The following RNF138 variants were observed in gnomAD, a reference collection of about 807,000 sequenced individuals.
The protein encoded by RNF138 is E3 ubiquitin-protein ligase RNF138.
In RNF138, 12 loss-of-function variants were observed where a neutral mutation model predicts 31.0. That is an observed-to-expected ratio of 0.39 (90% confidence interval 0.25 to 0.63). RNF138 has a LOEUF of 0.63. Ranked by LOEUF, RNF138 falls within the 20% of genes least tolerant of loss-of-function variation. The pLI is 0.52. For missense variants in RNF138, 192 were observed against 300.1 expected (o/e 0.64, Z 2.66); for synonymous variants, 105 against 99.5 (o/e 1.06, Z -0.33).
intron 2 of RNF138, among the ~76,000 whole-genome samples, chr18:32,103,067 C>T (rs564541125): frequency 6.6e-6 from 1 of 152,056 alleles, no homozygotes; most frequent in South Asian, 2.1e-4. Context: ...TTTTTGAATC[C>T]AGACCATTGC....
chr18:32,094,780 C>CTATATA (rs142338609), intron 2 of RNF138, among the ~76,000 whole-genome samples: 2 of 150,486 alleles, frequency 1.3e-5, no homozygotes, highest in East Asian at 3.9e-4. Context: ...TAGCTGCTAA[C>CTATATA]TATATATATA....
rs1375788392 is a variant in RNF138 at position 32,130,232 on chromosome 18, T to G, written c.*1045T>G. The G allele has an allele frequency of 6.6e-6, 1 of 152,310 alleles. No individual in the cohort carries two copies. The highest frequency in any genetic ancestry group is 1.5e-5 in the Non-Finnish European group (1 of 67,872). 9.4% of individuals were successfully genotyped at this position (152,310 alleles called of 1,614,324 possible). A position where few individuals can be genotyped will look rare whatever the true frequency, so the allele number is the denominator to read the frequency against. On this transcript the variant is annotated 3_prime_UTR_variant, in exon 8 of 8. Transcript: ENST00000261593. ...GTTTAAAATTTTGTATATCACCAAA[T>G]TTTTAAAAAGTGATAGTCACAGTGC...
At chr18:32,128,396 G>GGT (rs2040417409) in intron 7 of RNF138, among the ~76,000 whole-genome samples, 1 of 152,126 alleles carries the variant, frequency 6.6e-6, no homozygotes, top group Non-Finnish European at 1.5e-5. Context: ...AAATTAGCTG[G>GGT]GTGTGGTGGT....
At chr18:32,098,848 G>A (rs1471869323) in intron 2 of RNF138, among the ~76,000 whole-genome samples, 25 of 120,792 alleles carry the variant, frequency 2.1e-4, no homozygotes, top group South Asian at 1.3e-3. Flanking sequence ...GTGAGACTCC[G>A]TTTCAAAAAA....
intron 4 of RNF138, among the ~76,000 whole-genome samples, chr18:32,116,470 A>G (rs567692227): frequency 1.3e-5 from 2 of 149,106 alleles, no homozygotes; most frequent in South Asian, 2.1e-4. Context: ...TTGAGTTTGT[A>G]TGTGGATTTT....
At chr18:32,114,325 C>T (rs1350500879) in intron 4 of RNF138, among the ~76,000 whole-genome samples, 2 of 152,102 alleles carry the variant, frequency 1.3e-5, no homozygotes, top group African/African-American at 4.8e-5. Context: ...GTTTGAGTCT[C>T]ATTTCTTTTA....
chr18:32,104,672 G>T (rs2040000503), intron 2 of RNF138, among the ~76,000 whole-genome samples: 1 of 152,096 alleles, frequency 6.6e-6, no homozygotes, highest in South Asian at 2.1e-4. Flanking sequence ...ACTTACAATA[G>T]CAACAAAATT....
intron 4 of RNF138, among the ~76,000 whole-genome samples, chr18:32,119,313 C>A (rs550037984): frequency 1.1e-4 from 16 of 152,224 alleles, no homozygotes; most frequent in Admixed American, 8.5e-4. Flanking sequence ...TTTCCCAGGC[C>A]CGTCTCAAAC....
intron 3 of RNF138, among the ~76,000 whole-genome samples, chr18:32,113,414 T>C (rs1291523539): frequency 1.3e-5 from 2 of 152,166 alleles, no homozygotes; most frequent in African/African-American, 4.8e-5. Flanking sequence ...AGAAGTTAAA[T>C]AATAAGACAT....
chr18:32,117,914 G>A (rs1042270551), intron 4 of RNF138, among the ~76,000 whole-genome samples: 15 of 152,134 alleles, frequency 9.9e-5, no homozygotes, highest in Middle Eastern at 3.2e-3. Flanking sequence ...GGGAGGAGGA[G>A]GGAAGATGAA....
At position 32,130,884 on chromosome 18, in the gene RNF138, A is replaced by C. The variant is rs1488638060; in HGVS notation, c.*1697A>C. The C allele has an allele frequency of 6.8e-6, 1 of 147,618 alleles. No homozygotes were observed. The highest frequency in any genetic ancestry group is 2.5e-5 in the African/African-American group (1 of 39,742). The allele number at this position is 147,618 out of a possible 1,614,324, so 9.1% of individuals were successfully genotyped here. On this transcript the variant is annotated 3_prime_UTR_variant, in exon 8 of 8. Coordinates refer to ENST00000261593, the MANE Select transcript of RNF138 (RefSeq NM_016271.5). Reference sequence around the variant, plus strand: ...TGTGCTTGAGCATTTTCTTTCAGTTACATGGGTGTAATTTAAAAAACAGCT... The same window carrying C: ...TGTGCTTGAGCATTTTCTTTCAGTTCCATGGGTGTAATTTAAAAAACAGCT...
chr18:32,099,814 C>T (rs1425270036), intron 2 of RNF138, among the ~76,000 whole-genome samples: 1 of 152,176 alleles, frequency 6.6e-6, no homozygotes, highest in Non-Finnish European at 1.5e-5. Context: ...AAGAAAGCAT[C>T]CAAGATCTCC....
At position 32,126,734 on chromosome 18, in the gene RNF138, C is replaced by T. The variant is rs2040390598; in HGVS notation, c.603C>T (p.Ser201=). The change falls in exon 7 of 8, where the codon AGC becomes AGT. Residue 201 remains serine, a synonymous_variant. Coordinates refer to ENST00000261593, the MANE Select transcript of RNF138 (RefSeq NM_016271.5). The part of the protein sequence containing the change: ...ICVSLPWGDP[S]QITRNFVSHL... Reference sequence around the variant, plus strand: ...TGTCTCTTCCTTGGGGAGATCCTAGCCAGATTACCAGAAATTTCGTTAGTC... The same window carrying T: ...TGTCTCTTCCTTGGGGAGATCCTAGTCAGATTACCAGAAATTTCGTTAGTC... The T allele has an allele frequency of 1.2e-6, 2 of 1,607,132 alleles. No homozygotes were observed.
chr18:32,124,885 A>AT, intron 6 of RNF138, 40 bp downstream of exon 6: 1 of 982,678 alleles, frequency 1.0e-6, no homozygotes, highest in Non-Finnish European at 1.6e-6. Flanking sequence ...GCTTAGAATA[A>AT]AACATGCTGT....
chr18:32,093,089 A>G (rs915871376), intron 2 of RNF138, among the ~76,000 whole-genome samples: 1 of 146,680 alleles, frequency 6.8e-6, no homozygotes, highest in Non-Finnish European at 1.5e-5. Context: ...CCCCGCGTCC[A>G]GCCCCCTCAG....
intron 2 of RNF138, among the ~76,000 whole-genome samples, chr18:32,100,706 C>T (rs1423170434): frequency 6.6e-6 from 1 of 152,038 alleles, no homozygotes; most frequent in African/African-American, 2.4e-5. Flanking sequence ...GAACTCCCAA[C>T]CTCAGGTGAT....
chr18:32,106,281 G>A (rs568222952), intron 2 of RNF138, among the ~76,000 whole-genome samples: 1 of 152,080 alleles, frequency 6.6e-6, no homozygotes. Context: ...TTTAGTGTGC[G>A]GGTATGCAGA....
At chr18:32,107,116 C>CTTTTTT (rs58774714) in intron 2 of RNF138, among the ~76,000 whole-genome samples, 4 of 100,586 alleles carry the variant, frequency 4.0e-5, no homozygotes, top group Admixed American at 1.4e-4. Context: ...TCCTTTTTTC[C>CTTTTTT]TTTTTTTTTT....
chr18:32,125,049 G>GA (rs1321954142), intron 6 of RNF138: 1 of 501,680 alleles, frequency 2.0e-6, no homozygotes, highest in East Asian at 3.3e-5. Flanking sequence ...TATAAAAAGG[G>GA]AGATGCATAG....
Sources: allele counts gnomAD v4.1 joint callset (sites outside exome capture counted in the v4.1 genomes callset), GRCh38; gene constraint gnomAD v4.1.1; transcripts MANE v1.5; gene names NCBI Gene and HGNC (gene_info 2026-07-23, HGNC 2026-07-21).